TNIK: variants seen among roughly 807,000 people sequenced by gnomAD.
The protein encoded by TNIK is TRAF2 and NCK interacting kinase, also known as TRAF2 and NCK-interacting protein kinase.
A neutral mutation model predicts 191.3 loss-of-function variants in TNIK; 49 were observed. The observed-to-expected ratio is 0.26, with a 90% CI of 0.20 to 0.32. The LOEUF (loss-of-function observed/expected upper bound fraction) is 0.32, where lower values mean the gene tolerates loss of function less well. Ranked by LOEUF, TNIK falls within the 10% of genes least tolerant of loss-of-function variation. The pLI is 1.00. For synonymous variants in TNIK, 594 were observed against 600.9 expected (o/e 0.99, Z 0.17); for missense variants, 1,155 against 1,702.3 (o/e 0.68, Z 5.66).
At chr3:171,458,357 CTT>C (rs1243195937) in intron 1 of TNIK, among the ~76,000 whole-genome samples, 3 of 152,132 alleles carry the variant, frequency 2.0e-5, no homozygotes, top group African/African-American at 7.2e-5. Flanking sequence ...GCAGCCGGTT[CTT>C]GATGTGGCAT....
In TNIK at chr3:171,107,747, C is replaced by G. The variant is rs148481591; in HGVS notation, c.2382+318G>C. ...AGAAGTTCATAGAAAGTACCCAAGT[C>G]TCTTTAACTGCTACTTTCAACATCT... On this transcript the variant is annotated intron_variant, in intron 20 of 32. Transcript: ENST00000436636. Among the ~76,000 whole-genome samples, 3 of 152,274 alleles carry G rather than the reference C, an allele frequency of 2.0e-5. No individual in the cohort carries two copies. The East Asian group carries it at 5.8e-4, about 29-fold the overall frequency.
chr3:171,149,420 C>T (rs1321370277), intron 12 of TNIK, among the ~76,000 whole-genome samples: 4 of 152,148 alleles, frequency 2.6e-5, no homozygotes, highest in Non-Finnish European at 5.9e-5. Context: ...GGAGCCTGGG[C>T]AAAAGGACTC....
chr3:171,138,480 A>G (rs1730345740), intron 14 of TNIK, 101 bp from the exon 15 acceptor site: 2 of 1,125,632 alleles, frequency 1.8e-6, no homozygotes, highest in East Asian at 5.5e-5. Flanking sequence ...AAATAATGCT[A>G]AATAACAAAG....
chr3:171,104,646 C>T (rs2108472420), intron 21 of TNIK, among the ~76,000 whole-genome samples: 1 of 151,808 alleles, frequency 6.6e-6, no homozygotes, highest in Non-Finnish European at 1.5e-5. Flanking sequence ...TTTTTAGAAA[C>T]AATATAGTTT....
At chr3:171,105,234 G>T (rs933726143) in intron 21 of TNIK, among the ~76,000 whole-genome samples, 1 of 152,186 alleles carries the variant, frequency 6.6e-6, no homozygotes, top group South Asian at 2.1e-4. Flanking sequence ...AGGGAGAAAG[G>T]TGTAGTTCAA....
intron 9 of TNIK, among the ~76,000 whole-genome samples, chr3:171,170,861 G>T (rs1280870888): frequency 6.6e-6 from 1 of 152,068 alleles, no homozygotes; most frequent in African/African-American, 2.4e-5. Context: ...GACCAGCCTG[G>T]GCAATATAGC....
rs546994598 is a variant in TNIK, at chr3:171,154,672, T to C, written c.1221+2788A>G. Among the ~76,000 whole-genome samples the C allele has an allele frequency of 3.9e-4, 59 of 152,336 alleles. 2 individuals are homozygous for C. Among genetic ancestry groups the C allele is most frequent in the African/African-American group, 1.3e-3 (55 of 41,572 alleles). ...CTCCATGATACAGAATAAAACAAGA[T>C]GTATTTTGTTTATGCCAAGTAATAG... On this transcript the variant is annotated intron_variant, in intron 12 of 32. Transcript: ENST00000436636.
intron 23 of TNIK, among the ~76,000 whole-genome samples, chr3:171,090,478 C>A (rs907254363): frequency 7.3e-6 from 1 of 136,794 alleles, no homozygotes; most frequent in Admixed American, 7.5e-5. Context: ...TTACTCATTA[C>A]TTGTAACCCA....
At chr3:171,099,576 T>C (rs1723167517) in intron 22 of TNIK, among the ~76,000 whole-genome samples, 1 of 152,076 alleles carries the variant, frequency 6.6e-6, no homozygotes, top group Non-Finnish European at 1.5e-5. Flanking sequence ...AAAGATATCA[T>C]AGTCCAGAAA....
At chr3:171,087,583 A>G (rs1347293286) in intron 23 of TNIK, 77 bp from the exon 24 acceptor site, 7 of 1,534,470 alleles carry the variant, frequency 4.6e-6, no homozygotes, top group Admixed American at 3.4e-5. Flanking sequence ...CTCACACAGC[A>G]TAGGCATACG....
intron 1 of TNIK, among the ~76,000 whole-genome samples, chr3:171,400,776 A>G (rs991878005): frequency 2.8e-4 from 43 of 152,296 alleles, no homozygotes; most frequent in African/African-American, 9.9e-4. Context: ...GGTGTCACAA[A>G]GACAAGGAAA....
At chr3:171,249,213 G>A (rs1745958391) in intron 2 of TNIK, among the ~76,000 whole-genome samples, 1 of 152,130 alleles carries the variant, frequency 6.6e-6, no homozygotes, top group Non-Finnish European at 1.5e-5. Context: ...AGCCTCCAGT[G>A]GCATGTCTGC....
At chr3:171,139,664 G>C in intron 13 of TNIK, 108 bp from the exon 14 acceptor site, 7 of 1,017,838 alleles carry the variant, frequency 6.9e-6, no homozygotes, top group East Asian at 2.5e-5. Flanking sequence ...GAAGGAAGGA[G>C]GGGAAAAATA....
intron 12 of TNIK, among the ~76,000 whole-genome samples, chr3:171,147,381 G>A (rs975255493): frequency 3.3e-5 from 5 of 152,102 alleles, no homozygotes; most frequent in Non-Finnish European, 4.4e-5. Context: ...TAAGCTTCAC[G>A]GGAGCTATAC....
At position 171,292,775 on chromosome 3, in the gene TNIK, C is replaced by CAA. The variant is rs59314303; in HGVS notation, c.124-64556_124-64555dup. ...TGGGCAACAGAGCAAGACTCCATCTCAAAAAAAAAAAAAAAAAAAAGAATC... is the reference window on the plus strand; with the variant it reads ...TGGGCAACAGAGCAAGACTCCATCTCAAAAAAAAAAAAAAAAAAAAAAGAATC... On this transcript the variant is annotated intron_variant, in intron 2 of 32. Coordinates refer to ENST00000436636, the MANE Select transcript of TNIK (RefSeq NM_015028.4). Among the ~76,000 whole-genome samples the CAA allele has an allele frequency of 1.0e-3, 87 of 85,038 alleles. 2 individuals carry two copies. Among genetic ancestry groups the CAA allele is most frequent in the South Asian group, 4.2e-3 (9 of 2,122 alleles). 55.8% of individuals were successfully genotyped at this position (85,038 alleles called of 152,430 possible).
chr3:171,223,917 A>G (rs963698384), intron 3 of TNIK, among the ~76,000 whole-genome samples: 1 of 152,084 alleles, frequency 6.6e-6, no homozygotes, highest in Admixed American at 6.6e-5. Flanking sequence ...ACTCTTTTCT[A>G]TAATAACTCT....
intron 15 of TNIK, among the ~76,000 whole-genome samples, chr3:171,130,566 T>C (rs1167550460): frequency 6.6e-6 from 1 of 152,190 alleles, no homozygotes; most frequent in Non-Finnish European, 1.5e-5. Flanking sequence ...AGCTTTGAGA[T>C]AAGACCACAA....
intron 2 of TNIK, among the ~76,000 whole-genome samples, chr3:171,233,578 C>G (rs1743927382): frequency 6.6e-6 from 1 of 152,150 alleles, no homozygotes; most frequent in African/African-American, 2.4e-5. Flanking sequence ...AGCCAAAGAG[C>G]CACCTCACCC....
chr3:171,357,750 T>TA (rs769896763), intron 2 of TNIK, among the ~76,000 whole-genome samples: 2 of 151,976 alleles, frequency 1.3e-5, no homozygotes, highest in Non-Finnish European at 2.9e-5. Context: ...AACCAAGTGT[T>TA]AAGGATATAG....
Sources: allele counts gnomAD v4.1 joint callset (sites outside exome capture counted in the v4.1 genomes callset), GRCh38; gene constraint gnomAD v4.1.1; transcripts MANE v1.5; gene names NCBI Gene and HGNC (gene_info 2026-07-23, HGNC 2026-07-21).